Variants in NALCN observed in about 807,000 individuals in gnomAD.
NALCN encodes sodium leak channel NALCN.
NALCN carries 111 observed loss-of-function variants against 225.3 expected under a neutral mutation model. The observed-to-expected ratio is 0.49, with a 90% CI of 0.42 to 0.58. NALCN has a LOEUF of 0.58. Among genes scored for constraint, NALCN ranks in the 20% least tolerant of loss-of-function variants. NALCN has a pLI of 0.00. For missense variants in NALCN, 1,378 were observed against 2,202.4 expected (o/e 0.63, Z 7.49); for synonymous variants, 764 against 769.0 (o/e 0.99, Z 0.11).
At chr13:101,240,359 CTA>C (rs2041713868) in intron 11 of NALCN, among the ~76,000 whole-genome samples, 1 of 151,578 alleles carries the variant, frequency 6.6e-6, no homozygotes, top group African/African-American at 2.4e-5. Context: ...CTCTCTCTAT[CTA>C]TCTATGTATT....
chr13:101,222,828 G>A (rs1470250613), intron 13 of NALCN, among the ~76,000 whole-genome samples: 2 of 152,154 alleles, frequency 1.3e-5, no homozygotes, highest in Non-Finnish European at 2.9e-5. Flanking sequence ...TTAATGGAAA[G>A]CTCATTCATC....
chr13:101,238,607 T>C (rs1418898932), intron 11 of NALCN, among the ~76,000 whole-genome samples: 1 of 152,014 alleles, frequency 6.6e-6, no homozygotes, highest in Non-Finnish European at 1.5e-5. Context: ...TGTTATTTCC[T>C]TTACATGTCC....
intron 6 of NALCN, among the ~76,000 whole-genome samples, chr13:101,363,095 C>CA (rs1455559517): frequency 6.6e-6 from 1 of 151,796 alleles, no homozygotes; most frequent in African/African-American, 2.4e-5. Flanking sequence ...GAAGTGGACA[C>CA]AAAAAATGGA....
intron 18 of NALCN, chr13:101,116,374 A>T (rs1421024766): frequency 3.5e-6 from 1 of 288,520 alleles, no homozygotes; most frequent in Non-Finnish European, 6.9e-6. Context: ...CATGTCTTGA[A>T]ATTGTCTCTA....
chr13:101,310,919 G>C (rs1210653125), intron 7 of NALCN, among the ~76,000 whole-genome samples: 1 of 152,056 alleles, frequency 6.6e-6, no homozygotes, highest in Non-Finnish European at 1.5e-5. Flanking sequence ...CTCTTGATGG[G>C]GATGGCACTG....
intron 6 of NALCN, among the ~76,000 whole-genome samples, chr13:101,373,230 T>A (rs1223243606): frequency 2.6e-5 from 4 of 152,170 alleles, no homozygotes; most frequent in Non-Finnish European, 5.9e-5. Context: ...GTTTTACTCA[T>A]GAATTCTATC....
intron 7 of NALCN, among the ~76,000 whole-genome samples, chr13:101,294,081 A>G (rs1453609104): frequency 6.6e-6 from 1 of 152,172 alleles, no homozygotes; most frequent in Non-Finnish European, 1.5e-5. Flanking sequence ...CTGGTTAATG[A>G]AGGTCTCCAA....
intron 11 of NALCN, among the ~76,000 whole-genome samples, chr13:101,249,253 A>G (rs1226064534): frequency 1.3e-5 from 2 of 152,182 alleles, no homozygotes; most frequent in African/African-American, 4.8e-5. Flanking sequence ...TAAACCATGA[A>G]ACTGACAAAC....
chr13:101,056,010 T>C (rs746330091), intron 43 of NALCN, among the ~76,000 whole-genome samples: 2 of 152,142 alleles, frequency 1.3e-5, no homozygotes, highest in Non-Finnish European at 2.9e-5. Context: ...GTTTCCTCCA[T>C]TGTAAGATGA....
intron 34 of NALCN, among the ~76,000 whole-genome samples, chr13:101,077,813 C>T (rs12429031): frequency 6.6e-6 from 1 of 152,126 alleles, no homozygotes; most frequent in Non-Finnish European, 1.5e-5. Context: ...GAAAATGTCC[C>T]CAAGGGCATG....
At position 101,200,633 on chromosome 13, in the gene NALCN, C is replaced by CCCA. The variant is rs200353130; in HGVS notation, c.1627-8582_1627-8580dup. Among the ~76,000 whole-genome samples, 707 of 152,198 alleles carry CCCA rather than the reference C, an allele frequency of 4.6e-3. 6 individuals are homozygous for CCCA. Among genetic ancestry groups the CCCA allele is most frequent in the African/African-American group, 0.017 (688 of 41,528 alleles). On this transcript the variant is annotated intron_variant, in intron 13 of 43. Transcript: ENST00000251127. ...AGGCCATGTTGCCTACACTAGGCTTCCCACAGGGCCACTGAGGACCCATGC... is the reference window on the plus strand; with the variant it reads ...AGGCCATGTTGCCTACACTAGGCTTCCCACCACAGGGCCACTGAGGACCCATGC...
intron 7 of NALCN, among the ~76,000 whole-genome samples, chr13:101,293,031 T>A (rs1348496633): frequency 6.6e-6 from 1 of 152,226 alleles, no homozygotes. Flanking sequence ...TAAGAGAACC[T>A]AAAATGCCAT....
rs556027927 is a variant in NALCN at position 101,090,427 on chromosome 13, C to T, written c.3270-461G>A. Among the ~76,000 whole-genome samples the T allele has an allele frequency of 2.0e-5, 3 of 152,254 alleles. No individual in the cohort carries two copies. In the East Asian group the frequency reaches 5.8e-4, roughly 29 times the overall value. Reference sequence around the variant, plus strand: ...TTTCGAAAGGCATAAATTACAATTGCCTGTGTTAGTATAGAAAGTGTAGAG... The same window carrying T: ...TTTCGAAAGGCATAAATTACAATTGTCTGTGTTAGTATAGAAAGTGTAGAG... On this transcript the variant is annotated intron_variant, in intron 28 of 43. Coordinates refer to ENST00000251127, the MANE Select transcript of NALCN (RefSeq NM_052867.4).
chr13:101,380,091 A>ATG (rs2046807854), intron 3 of NALCN, among the ~76,000 whole-genome samples: 1 of 151,974 alleles, frequency 6.6e-6, no homozygotes. Flanking sequence ...ACACATATAT[A>ATG]CATTTTTTCT....
rs2042316930 is a variant in NALCN, at chr13:101,258,570, A to AT, written c.1138dup (p.Met380AsnfsTer24). On this transcript the variant is annotated frameshift_variant, in exon 11 of 44. Transcript: ENST00000251127. LOFTEE classifies it high-confidence loss of function. Reference sequence around the variant, plus strand: ...CATGTGGAAAACGGATGACCGCATCATTTTCTGAGGGGGCGAAACAGACAG... The same window carrying AT: ...CATGTGGAAAACGGATGACCGCATCATTTTTCTGAGGGGGCGAAACAGACAG... 1 of 1,614,048 alleles carries AT rather than the reference A, an allele frequency of 6.2e-7. No homozygotes were observed.
At chr13:101,209,710 G>A (rs2040451462) in intron 13 of NALCN, among the ~76,000 whole-genome samples, 1 of 152,142 alleles carries the variant, frequency 6.6e-6, no homozygotes, top group African/African-American at 2.4e-5. Context: ...TCAAGAGAGT[G>A]TTGCCTTTCC....
Position 101,062,033 on chromosome 13 carries a change from C to T in NALCN, c.4690G>A (p.Glu1564Lys), listed in dbSNP as rs758895915. 1 of 1,614,182 alleles carries T rather than the reference C, an allele frequency of 6.2e-7. No homozygotes were observed. Among genetic ancestry groups the T allele is most frequent in the Non-Finnish European group, 8.5e-7 (1 of 1,180,020 alleles). ...ATGGTCTGCTTGGCCACCTCCTCCT[C>T]TATGGTGTACTCCAGCTGCTCCCTC... ...LAREQLEYTI[E>K]EEVAKQTIRM... Residue 1564 changes from glutamate to lysine, a missense_variant, in exon 41 of 44, where the codon GAG (glutamate) becomes AAG (lysine). This residue lies in a region of NALCN where 94 missense variants were observed against 170.3 expected (regional missense o/e 0.55). Coordinates refer to ENST00000251127, the MANE Select transcript of NALCN (RefSeq NM_052867.4).
At chr13:101,224,421 T>C (rs373229236) in intron 13 of NALCN, among the ~76,000 whole-genome samples, 1 of 152,196 alleles carries the variant, frequency 6.6e-6, no homozygotes, top group Non-Finnish European at 1.5e-5. Flanking sequence ...CTCTTTTTGA[T>C]TGTTTCTTTC....
chr13:101,236,745 C>A (rs2041568567), intron 12 of NALCN, among the ~76,000 whole-genome samples: 1 of 126,474 alleles, frequency 7.9e-6, no homozygotes, highest in Non-Finnish European at 1.6e-5. Context: ...AGGGGAACAT[C>A]ACACTCTGGG....
Sources: allele counts gnomAD v4.1 joint callset (sites outside exome capture counted in the v4.1 genomes callset), GRCh38; gene constraint gnomAD v4.1.1; regional missense constraint gnomAD v4.1.1; transcripts MANE v1.5; gene names NCBI Gene and HGNC (gene_info 2026-07-23, HGNC 2026-07-21).